Variants in SGMS1 observed in about 807,000 individuals in gnomAD.
SGMS1 encodes phosphatidylcholine:ceramide cholinephosphotransferase 1.
In SGMS1, 13 loss-of-function variants were observed where a neutral mutation model predicts 46.2. That is an observed-to-expected ratio of 0.28 (90% CI 0.18 to 0.45). The LOEUF is 0.45. Among genes scored for constraint, SGMS1 ranks in the 20% least tolerant of loss-of-function variants. The pLI, the probability that SGMS1 is intolerant of heterozygous loss-of-function variation, is 1.00. For synonymous variants in SGMS1, 203 were observed against 187.8 expected (o/e 1.08, Z -0.66); for missense variants, 324 against 519.9 (o/e 0.62, Z 3.66).
chr10:50,458,575 G>A (rs1366571299), intron 5 of SGMS1, among the ~76,000 whole-genome samples: 1 of 151,552 alleles, frequency 6.6e-6, no homozygotes, highest in Non-Finnish European at 1.5e-5. Context: ...TAGCCATGAT[G>A]GTCTCAATCT....
chr10:50,594,971 G>C (rs1588887310), intron 1 of SGMS1, among the ~76,000 whole-genome samples: 1 of 152,138 alleles, frequency 6.6e-6, no homozygotes, highest in Admixed American at 6.6e-5. Flanking sequence ...ATTCAGTTAT[G>C]CAGTCACACA....
intron 5 of SGMS1, among the ~76,000 whole-genome samples, chr10:50,436,832 T>C (rs994363678): frequency 6.6e-6 from 1 of 152,164 alleles, no homozygotes; most frequent in African/African-American, 2.4e-5. Flanking sequence ...TCTTAGCCTC[T>C]TTCTCCAAAT....
chr10:50,511,248 TACACACACAC>T (rs3054272), intron 3 of SGMS1, among the ~76,000 whole-genome samples: 8 of 141,704 alleles, frequency 5.6e-5, no homozygotes, highest in African/African-American at 1.5e-4. Flanking sequence ...CACTCATTCA[TACACACACAC>T]ACACACACAC....
At chr10:50,380,696 T>C (rs1337325445) in intron 6 of SGMS1, among the ~76,000 whole-genome samples, 1 of 152,162 alleles carries the variant, frequency 6.6e-6, no homozygotes, top group Admixed American at 6.5e-5. Context: ...CAAATATTAC[T>C]TGTACACCAA....
At chr10:50,357,747 G>A (rs1035007259) in intron 6 of SGMS1, among the ~76,000 whole-genome samples, 12 of 152,032 alleles carry the variant, frequency 7.9e-5, no homozygotes, top group African/African-American at 2.2e-4. Flanking sequence ...TTGACGATTC[G>A]ATGGACTTTT....
chr10:50,403,426 G>C (rs560332903), intron 6 of SGMS1, among the ~76,000 whole-genome samples: 1 of 152,136 alleles, frequency 6.6e-6, no homozygotes, highest in African/African-American at 2.4e-5. Context: ...ACATTTGTCA[G>C]GCATGCATAT....
chr10:50,384,593 G>A (rs1289674438), intron 6 of SGMS1, among the ~76,000 whole-genome samples: 3 of 151,930 alleles, frequency 2.0e-5, no homozygotes, highest in African/African-American at 7.3e-5. Flanking sequence ...GACTACAGGT[G>A]TGTGCCACCA....
chr10:50,470,696 C>T (rs1837370666), intron 3 of SGMS1, among the ~76,000 whole-genome samples: 1 of 152,034 alleles, frequency 6.6e-6, no homozygotes, highest in Non-Finnish European at 1.5e-5. Flanking sequence ...AAGAGTAATG[C>T]AAAGGGTAAA....
chr10:50,311,584 CG>C (rs545865701), intron 8 of SGMS1, among the ~76,000 whole-genome samples, 169 bp from the exon 9 acceptor site: 2 of 33,416 alleles, frequency 6.0e-5, no homozygotes, highest in Non-Finnish European at 1.3e-4. Context: ...GCCCTTGGGG[CG>C]GGGGGGTGGG....
chr10:50,467,213 C>A (rs1191650784), intron 3 of SGMS1, among the ~76,000 whole-genome samples: 2 of 151,972 alleles, frequency 1.3e-5, no homozygotes, highest in African/African-American at 4.8e-5. Context: ...GTTTTAAAAC[C>A]ATGGACCTTT....
chr10:50,444,346 C>T (rs1279870185), intron 5 of SGMS1, among the ~76,000 whole-genome samples: 1 of 152,120 alleles, frequency 6.6e-6, no homozygotes, highest in African/African-American at 2.4e-5. Flanking sequence ...AGACTTATAT[C>T]CCTCATAAAA....
intron 3 of SGMS1, among the ~76,000 whole-genome samples, chr10:50,467,199 A>G (rs990660407): frequency 2.6e-5 from 4 of 152,146 alleles, no homozygotes; most frequent in South Asian, 2.1e-4. Context: ...ATGGTATAAC[A>G]TGAGTTTTAA....
intron 2 of SGMS1, among the ~76,000 whole-genome samples, chr10:50,565,843 G>A (rs868636405): frequency 6.6e-6 from 1 of 152,214 alleles, no homozygotes; most frequent in Non-Finnish European, 1.5e-5. Flanking sequence ...GTGTGTGCCC[G>A]TGACGATCAG....
At chr10:50,344,506 T>G (rs1419958419) in intron 6 of SGMS1, among the ~76,000 whole-genome samples, 161 bp from the exon 7 acceptor site, 1 of 152,184 alleles carries the variant, frequency 6.6e-6, no homozygotes, top group African/African-American at 2.4e-5. Context: ...TCCTGGTTAT[T>G]AGTCTTTTGC....
At chr10:50,313,703 A>T (rs1273186163) in intron 8 of SGMS1, among the ~76,000 whole-genome samples, 1 of 152,240 alleles carries the variant, frequency 6.6e-6, no homozygotes. Flanking sequence ...TCTGTGTTTT[A>T]AAAATGATAA....
At chr10:50,550,210 G>T (rs1432560925) in intron 2 of SGMS1, among the ~76,000 whole-genome samples, 5 of 152,122 alleles carry the variant, frequency 3.3e-5, no homozygotes, top group African/African-American at 1.2e-4. Context: ...GTATACATTT[G>T]CTTGTAAGCA....
At chr10:50,498,375 G>A (rs1388238336) in intron 3 of SGMS1, among the ~76,000 whole-genome samples, 1 of 152,052 alleles carries the variant, frequency 6.6e-6, no homozygotes, top group Non-Finnish European at 1.5e-5. Flanking sequence ...ATAGTTTTAT[G>A]GCTTTAAGTA....
chr10:50,598,017 A>AG (rs1056722717), intron 1 of SGMS1, among the ~76,000 whole-genome samples: 5 of 151,652 alleles, frequency 3.3e-5, no homozygotes, highest in African/African-American at 1.2e-4. Context: ...CGTCTCAAAA[A>AG]AAAAAAAAAA....
chr10:50,437,884 C>T (rs142305726), intron 5 of SGMS1, among the ~76,000 whole-genome samples: 1 of 152,296 alleles, frequency 6.6e-6, no homozygotes, highest in East Asian at 1.9e-4. Flanking sequence ...AAGAATGTGT[C>T]ACATACCCCA....
Sources: allele counts gnomAD v4.1 joint callset (sites outside exome capture counted in the v4.1 genomes callset), GRCh38; gene constraint gnomAD v4.1.1; transcripts MANE v1.5; gene names NCBI Gene and HGNC (gene_info 2026-07-23, HGNC 2026-07-21).